ERGIC2: variants seen among roughly 807,000 people sequenced by gnomAD.
ERGIC2 encodes the protein ERGIC and golgi 2, also known as endoplasmic reticulum-Golgi intermediate compartment protein 2.
A neutral mutation model predicts 52.5 loss-of-function variants in ERGIC2; 31 were observed. The observed-to-expected ratio is 0.59, with a 90% CI of 0.44 to 0.80. The LOEUF is 0.80. ERGIC2 is among the 30% of genes least tolerant of loss of function. The pLI is 0.00. For synonymous variants in ERGIC2, 129 were observed against 140.6 expected (o/e 0.92, Z 0.58); for missense variants, 395 against 455.2 (o/e 0.87, Z 1.20).
intron 5 of ERGIC2, among the ~76,000 whole-genome samples, chr12:29,361,971 T>C (rs992205656): frequency 2.0e-5 from 3 of 152,194 alleles, no homozygotes; most frequent in East Asian, 3.8e-4. Context: ...TACAAAATGG[T>C]ATCCTAGGGC....
At chr12:29,379,253 T>C (rs1277250308) in intron 1 of ERGIC2, among the ~76,000 whole-genome samples, 2 of 152,186 alleles carry the variant, frequency 1.3e-5, no homozygotes, top group East Asian at 1.9e-4. Context: ...ACATGAAATA[T>C]ATTTACAATA....
intron 1 of ERGIC2, chr12:29,380,480 A>T (rs763523836): frequency 3.9e-5 from 6 of 152,144 alleles, no homozygotes; most frequent in Non-Finnish European, 7.4e-5. Context: ...TGTCAACTCT[A>T]TATACTACAG....
At chr12:29,360,738 A>C (rs978969429) in intron 6 of ERGIC2, among the ~76,000 whole-genome samples, 1 of 151,182 alleles carries the variant, frequency 6.6e-6, no homozygotes, top group Non-Finnish European at 1.5e-5. Context: ...CAAGAAACTT[A>C]TCACTGGTTA....
At chr12:29,341,477 C>T (rs1949839823) in intron 13 of ERGIC2, among the ~76,000 whole-genome samples, 1 of 151,928 alleles carries the variant, frequency 6.6e-6, no homozygotes, top group East Asian at 1.9e-4. Context: ...CTCAAGTGAT[C>T]CTCCCACTGT....
intron 10 of ERGIC2, among the ~76,000 whole-genome samples, chr12:29,348,315 C>T (rs1940085947): frequency 1.3e-5 from 2 of 151,956 alleles, no homozygotes; most frequent in Non-Finnish European, 2.9e-5. Context: ...TAATAAAAAA[C>T]TAAATCCTTA....
rs896822961 is a variant in ERGIC2 at position 29,339,558 on chromosome 12, C to A, written c.*1598G>T. The stretch of plus-strand genomic sequence containing the variant: ...AGGCTCATTCACGATTCAGAATTTT[C>A]TGTTTAAAAATCTTTCAAAGTATGT... On this transcript the variant is annotated 3_prime_UTR_variant, in exon 14 of 14. Transcript: ENST00000360150. 3.3e-5 allele frequency: 5 copies of A among 152,118 alleles called. No individual in the cohort carries two copies. Among genetic ancestry groups the A allele is most frequent in the Non-Finnish European group, 7.4e-5 (5 of 67,972 alleles). 9.4% of individuals were successfully genotyped at this position (152,118 alleles called of 1,614,324 possible).
At chr12:29,342,506 G>A (rs1368880726) in intron 12 of ERGIC2, among the ~76,000 whole-genome samples, 6 of 152,168 alleles carry the variant, frequency 3.9e-5, no homozygotes, top group Non-Finnish European at 1.5e-5. Flanking sequence ...AATAAGGACT[G>A]AAGATGAAAA....
chr12:29,365,505 T>C (rs1334882684), intron 5 of ERGIC2, among the ~76,000 whole-genome samples: 2 of 151,838 alleles, frequency 1.3e-5, no homozygotes, highest in African/African-American at 4.8e-5. Context: ...CTAGTTATTA[T>C]GCCCAGTACC....
Position 29,357,509 on chromosome 12 carries a change from T to C in ERGIC2, c.476+114A>G, listed in dbSNP as rs1024258677. Reference sequence around the variant, plus strand: ...GCGTCTTTATAGTACAGAATGATTCTATTTTCCCTTCCTAAGAAAAATAAG... The same window carrying C: ...GCGTCTTTATAGTACAGAATGATTCCATTTTCCCTTCCTAAGAAAAATAAG... On this transcript the variant is annotated intron_variant, in intron 7 of 13. Coordinates refer to ENST00000360150, the MANE Select transcript of ERGIC2 (RefSeq NM_016570.3). 4 of 650,304 alleles carry C rather than the reference T, an allele frequency of 6.2e-6. No individual in the cohort carries two copies. The Admixed American group carries it at 9.0e-5, about 15-fold the overall frequency. 40.3% of individuals were successfully genotyped at this position (650,304 alleles called of 1,614,324 possible).
chr12:29,344,840 C>T (rs1283962095), intron 11 of ERGIC2, among the ~76,000 whole-genome samples: 1 of 152,066 alleles, frequency 6.6e-6, no homozygotes, highest in Non-Finnish European at 1.5e-5. Context: ...AATAAGAAAA[C>T]ATGACCCCAA....
intron 12 of ERGIC2, 34 bp downstream of exon 12, chr12:29,343,086 T>G (rs1949850290): frequency 6.5e-7 from 1 of 1,529,232 alleles, no homozygotes; most frequent in South Asian, 1.3e-5. Flanking sequence ...AGCAACACTT[T>G]CAGAAATTAG....
At chr12:29,364,835 C>A (rs982561829) in intron 5 of ERGIC2, among the ~76,000 whole-genome samples, 5 of 150,296 alleles carry the variant, frequency 3.3e-5, no homozygotes, top group African/African-American at 1.2e-4. Flanking sequence ...TACAAGTGGT[C>A]AACAAACATG....
intron 4 of ERGIC2, among the ~76,000 whole-genome samples, chr12:29,367,973 A>G (rs749795081): frequency 6.8e-4 from 104 of 151,854 alleles, no homozygotes; most frequent in Admixed American, 1.8e-3. Context: ...AAGGATGTAC[A>G]TAAACTAGAA....
At position 29,371,588 on chromosome 12, in the gene ERGIC2, A is replaced by T; in HGVS notation, c.46T>A (p.Leu16Met). The T allele has an allele frequency of 1.2e-6, 2 of 1,613,530 alleles. No homozygotes were observed. The highest frequency in any genetic ancestry group is 1.7e-6 in the Non-Finnish European group (2 of 1,179,706). ...RKKTLSLVKE[L>M]DAFPKVPESY... is the part of the protein sequence containing the mutation. ...TCAGGAACCTTCGGAAAGGCATCCA[A>T]CTCTTTTACCAAACTTAAAGTTTTT... is the stretch of plus-strand genomic sequence containing the variant. The change falls in exon 2 of 14, where the codon TTG becomes ATG. Residue 16 changes from leucine (L) to methionine (M), a missense_variant. Transcript: ENST00000360150.
At position 29,373,282 on chromosome 12, in the gene ERGIC2, TTAGA is replaced by T. The variant is rs1225533624; in HGVS notation, c.-37-1616_-37-1613del. ...TAAAGCCAATCAAATAACTGAATTCTTAGATATTTACATAATTTTTATGACTGAT... is the reference window on the plus strand; with the variant it reads ...TAAAGCCAATCAAATAACTGAATTCTTATTTACATAATTTTTATGACTGAT... On this transcript the variant is annotated intron_variant, in intron 1 of 13. Coordinates refer to ENST00000360150, the MANE Select transcript of ERGIC2 (RefSeq NM_016570.3). Among the ~76,000 whole-genome samples the T allele has an allele frequency of 1.5e-4, 23 of 152,304 alleles. No individual in the cohort carries two copies. The Middle Eastern group carries it at 0.017, about 113-fold the overall frequency.
At chr12:29,376,545 A>C (rs1170729387) in intron 1 of ERGIC2, among the ~76,000 whole-genome samples, 2 of 152,172 alleles carry the variant, frequency 1.3e-5, no homozygotes, top group Non-Finnish European at 2.9e-5. Context: ...ATGGAAAGCC[A>C]CCCATGAGCA....
At chr12:29,379,132 T>G (rs570849896) in intron 1 of ERGIC2, among the ~76,000 whole-genome samples, 1 of 152,246 alleles carries the variant, frequency 6.6e-6, no homozygotes, top group Non-Finnish European at 1.5e-5. Context: ...CTAGTAGCAA[T>G]GTGAAGCAAG....
intron 13 of ERGIC2, 123 bp from the exon 14 acceptor site, chr12:29,341,341 C>CTCTCTCTCCCCCTATTTCTCTA (rs1470069497): frequency 2.6e-5 from 19 of 735,164 alleles, no homozygotes; most frequent in Middle Eastern, 2.7e-4. Flanking sequence ...CTATTTCTCT[C>CTCTCTCTCCCCCTATTTCTCTA]TCTCTCTCCC....
intron 1 of ERGIC2, among the ~76,000 whole-genome samples, chr12:29,375,511 A>G (rs1375708376): frequency 2.0e-5 from 3 of 152,192 alleles, no homozygotes; most frequent in Admixed American, 6.5e-5. Context: ...CTGTCCCAGG[A>G]CCTAGAACAG....
Sources: allele counts gnomAD v4.1 joint callset (sites outside exome capture counted in the v4.1 genomes callset), GRCh38; gene constraint gnomAD v4.1.1; transcripts MANE v1.5; gene names NCBI Gene and HGNC (gene_info 2026-07-23, HGNC 2026-07-21).